TNS3: variants seen among roughly 807,000 people sequenced by gnomAD.
TNS3 encodes tensin-3.
TNS3 carries 45 observed loss-of-function variants against 140.9 expected under a neutral mutation model. The ratio of observed to expected loss-of-function variants is 0.32; its 90% confidence interval spans 0.25 to 0.41. The LOEUF (loss-of-function observed/expected upper bound fraction) is 0.41, where lower values mean the gene tolerates loss of function less well. Ranked by LOEUF, TNS3 falls within the 10% of genes least tolerant of loss-of-function variation. TNS3 has a pLI of 1.00. For missense variants in TNS3, 1,716 were observed against 1,906.7 expected, an observed-to-expected ratio of 0.90 and a Z score of 1.86; for synonymous variants, 815 against 788.4, an observed-to-expected ratio of 1.03 and a Z score of -0.56.
At chr7:47,420,818 C>T (rs923713416) in intron 10 of TNS3, among the ~76,000 whole-genome samples, 4 of 152,236 alleles carry the variant, frequency 2.6e-5, no homozygotes, top group African/African-American at 9.6e-5. Flanking sequence ...ATTCTTTCTT[C>T]TGAGCAGGCA....
At chr7:47,575,000 A>T (rs1800644450) in intron 1 of TNS3, among the ~76,000 whole-genome samples, 1 of 152,208 alleles carries the variant, frequency 6.6e-6, no homozygotes, top group African/African-American at 2.4e-5. Context: ...AAACATGATT[A>T]AAACGACAAA....
chr7:47,487,436 G>A (rs1238974183), intron 3 of TNS3, among the ~76,000 whole-genome samples: 1 of 152,126 alleles, frequency 6.6e-6, no homozygotes, highest in Non-Finnish European at 1.5e-5. Context: ...TCTGCCCACA[G>A]GTGAAGTCTC....
chr7:47,551,229 G>T (rs1227147840), intron 1 of TNS3, among the ~76,000 whole-genome samples: 1 of 152,210 alleles, frequency 6.6e-6, no homozygotes, highest in African/African-American at 2.4e-5. Flanking sequence ...TGAGCTCCCG[G>T]GCAGAAGGCT....
intron 20 of TNS3, among the ~76,000 whole-genome samples, chr7:47,333,483 G>C (rs1221035809): frequency 3.3e-5 from 5 of 152,178 alleles, no homozygotes; most frequent in Admixed American, 3.3e-4. Flanking sequence ...ATATAGGAAT[G>C]CATGTGCTTT....
At chr7:47,551,598 T>C (rs373036982) in intron 1 of TNS3, among the ~76,000 whole-genome samples, 7 of 152,242 alleles carry the variant, frequency 4.6e-5, no homozygotes, top group Admixed American at 1.3e-4. Flanking sequence ...TGAAAAGTCA[T>C]TGGACAGTCT....
intron 16 of TNS3, among the ~76,000 whole-genome samples, chr7:47,378,241 C>T (rs749291196): frequency 8.5e-5 from 13 of 152,146 alleles, no homozygotes; most frequent in Non-Finnish European, 1.8e-4. Flanking sequence ...ATGTGTGGAC[C>T]CTCTGGGTGC....
intron 4 of TNS3, among the ~76,000 whole-genome samples, chr7:47,447,012 CT>C (rs1324058745): frequency 7.4e-6 from 1 of 134,544 alleles, no homozygotes; most frequent in African/African-American, 2.6e-5. Flanking sequence ...AAGCATTTTC[CT>C]TCTACAGGTC....
At chr7:47,300,946 G>A (rs1201695508) in intron 23 of TNS3, among the ~76,000 whole-genome samples, 1 of 152,212 alleles carries the variant, frequency 6.6e-6, no homozygotes, top group Non-Finnish European at 1.5e-5. Flanking sequence ...CACTTAAAAT[G>A]ACAATCGCTT....
At chr7:47,501,089 AAG>A (rs1269343836) in intron 3 of TNS3, among the ~76,000 whole-genome samples, 1 of 149,672 alleles carries the variant, frequency 6.7e-6, no homozygotes, top group Admixed American at 6.6e-5. Context: ...GACAAACAGA[AAG>A]AGAGAAAGAG....
chr7:47,405,939 G>C (rs1361470647), intron 13 of TNS3, among the ~76,000 whole-genome samples: 1 of 152,084 alleles, frequency 6.6e-6, no homozygotes, highest in Non-Finnish European at 1.5e-5. Flanking sequence ...GTCCAAGCAG[G>C]GGCAGCAAGA....
chr7:47,294,832 T>C (rs1352362380), intron 24 of TNS3, among the ~76,000 whole-genome samples: 2 of 152,186 alleles, frequency 1.3e-5, no homozygotes, highest in Non-Finnish European at 1.5e-5. Flanking sequence ...CATTCAGTTG[T>C]GGGAAGAAAA....
In TNS3 at chr7:47,361,206, C is replaced by CAAA. The variant is rs56823708; in HGVS notation, c.2281+7156_2281+7158dup. On this transcript the variant is annotated intron_variant, in intron 17 of 30. Transcript: ENST00000311160. ...TCTTCTGGTAAGACAGTAACCATGCCAAAAAAAAAAAAAAAAAACAAGCAA... is the reference window on the plus strand; with the variant it reads ...TCTTCTGGTAAGACAGTAACCATGCCAAAAAAAAAAAAAAAAAAAAACAAGCAA... Among the ~76,000 whole-genome samples the CAAA allele has an allele frequency of 9.1e-3, 428 of 47,178 alleles. 29 individuals are homozygous for CAAA. Among genetic ancestry groups the CAAA allele is most frequent in the African/African-American group, 0.016 (279 of 16,956 alleles). 31.0% of individuals were successfully genotyped at this position (47,178 alleles called of 152,430 possible). A position where few individuals can be genotyped will look rare whatever the true frequency, so the allele number is the denominator to read the frequency against.
At position 47,344,646 on chromosome 7, in the gene TNS3, G is replaced by C. The variant is rs574131389; in HGVS notation, c.2650+109C>G. The C allele has an allele frequency of 5.9e-6, 6 of 1,016,438 alleles. No individual in the cohort carries two copies. In the Admixed American group the frequency reaches 6.6e-5, roughly 11 times the overall value. The allele number at this position is 1,016,438 out of a possible 1,614,324, so 63.0% of individuals were successfully genotyped here. ...TCCTCATCCAAGGCTTCTGAGATAC[G>C]ACACAAATGGAAACATTTCTGCATA... On this transcript the variant is annotated intron_variant, in intron 20 of 30. Coordinates refer to ENST00000311160, the MANE Select transcript of TNS3 (RefSeq NM_022748.12).
At chr7:47,425,328 A>T (rs1167788786) in intron 9 of TNS3, among the ~76,000 whole-genome samples, 5 of 151,356 alleles carry the variant, frequency 3.3e-5, no homozygotes, top group Non-Finnish European at 5.9e-5. Context: ...AAACAACAAC[A>T]ACAACAACAA....
intron 10 of TNS3, among the ~76,000 whole-genome samples, chr7:47,419,224 A>C (rs991983467): frequency 6.6e-6 from 1 of 152,244 alleles, no homozygotes; most frequent in Admixed American, 6.5e-5. Flanking sequence ...GCCAGAGTGT[A>C]GGTGGCTTTG....
intron 8 of TNS3, among the ~76,000 whole-genome samples, chr7:47,429,135 G>A (rs1340196424): frequency 6.6e-6 from 1 of 152,178 alleles, no homozygotes; most frequent in Non-Finnish European, 1.5e-5. Context: ...TGTGAGCTAA[G>A]AGTTAGTTTT....
chr7:47,380,918 C>A (rs547569994), intron 16 of TNS3, among the ~76,000 whole-genome samples: 5 of 152,310 alleles, frequency 3.3e-5, no homozygotes, highest in African/African-American at 9.6e-5. Context: ...GGGGGCGTGC[C>A]ACCTCCCTCC....
chr7:47,571,584 G>A (rs1366809438), intron 1 of TNS3, among the ~76,000 whole-genome samples: 1 of 152,230 alleles, frequency 6.6e-6, no homozygotes, highest in Non-Finnish European at 1.5e-5. Flanking sequence ...TACCTCCAGA[G>A]GGTCAAGGGG....
rs1792258112 is a variant in TNS3 at position 47,389,004 on chromosome 7, AAGAAGAAGAAG to A, written c.1024+7785_1024+7795del. Among the ~76,000 whole-genome samples the A allele has an allele frequency of 6.2e-3, 350 of 56,810 alleles. 62 individuals are homozygous for A. The highest frequency in any genetic ancestry group is 0.019 in the African/African-American group (285 of 15,366). The allele number at this position is 56,810 out of a possible 152,430, so 37.3% of individuals were successfully genotyped here. Reference sequence around the variant, plus strand: ...CAGCAGAGGAAGAAGAAGAAGAAGGAAGAAGAAGAAGAAGAAGAAGAAGAAGAAGAAGAAGA... The same window carrying A: ...CAGCAGAGGAAGAAGAAGAAGAAGGAAAGAAGAAGAAGAAGAAGAAGAAGA... On this transcript the variant is annotated intron_variant, in intron 16 of 30. Transcript: ENST00000311160.
Sources: allele counts gnomAD v4.1 joint callset (sites outside exome capture counted in the v4.1 genomes callset), GRCh38; gene constraint gnomAD v4.1.1; transcripts MANE v1.5; gene names NCBI Gene and HGNC (gene_info 2026-07-23, HGNC 2026-07-21).